The following NPLOC4 variants were observed in gnomAD, a reference collection of about 807,000 sequenced individuals.
NPLOC4 encodes the protein NPL4 homolog, ubiquitin recognition factor.
Under a neutral mutation model 80.6 loss-of-function variants are expected in NPLOC4, and 18 were observed. That is an observed-to-expected ratio of 0.22 (90% CI 0.15 to 0.33). The LOEUF (loss-of-function observed/expected upper bound fraction) is 0.33. NPLOC4 is among the 10% of genes least tolerant of loss of function. The pLI is 1.00. For synonymous variants in NPLOC4, 313 were observed against 301.5 expected (o/e 1.04, Z -0.39); for missense variants, 540 against 786.1 (o/e 0.69, Z 3.74).
At chr17:81,592,427 C>T (rs778403867) in intron 11 of NPLOC4, among the ~76,000 whole-genome samples, 10 of 152,156 alleles carry the variant, frequency 6.6e-5, no homozygotes, top group Non-Finnish European at 1.2e-4. Flanking sequence ...CAAGTCTGAG[C>T]ACCAAGAGGG....
chr17:81,593,660 C>G (rs1384254074), intron 11 of NPLOC4, among the ~76,000 whole-genome samples: 2 of 152,010 alleles, frequency 1.3e-5, no homozygotes, highest in Non-Finnish European at 2.9e-5. Context: ...AGATATCAGC[C>G]TACATGTGGC....
Position 81,629,232 on chromosome 17 carries a change from G to A in NPLOC4, c.96+493C>T, listed in dbSNP as rs895788802. On this transcript the variant is annotated intron_variant, in intron 2 of 16. Transcript: ENST00000331134. ...TTTTGAGATGGAGTCTCACTCTGTTGCCCAGGTTGGAGTGCAGTGGCACCA... is the reference window on the plus strand; with the variant it reads ...TTTTGAGATGGAGTCTCACTCTGTTACCCAGGTTGGAGTGCAGTGGCACCA... Among the ~76,000 whole-genome samples the A allele has an allele frequency of 2.8e-4, 34 of 122,218 alleles. No individual in the cohort carries two copies. The Admixed American group carries it at 3.2e-3, about 12-fold the overall frequency. The allele number at this position is 122,218 out of a possible 152,430, so 80.2% of individuals were successfully genotyped here.
rs959302488 is a variant in NPLOC4, at chr17:81,572,437, C to T, written c.1282-349G>A. Among the ~76,000 whole-genome samples the T allele has an allele frequency of 1.6e-4, 25 of 152,214 alleles. No homozygotes were observed. Among genetic ancestry groups the T allele is most frequent in the East Asian group, 7.7e-4 (4 of 5,176 alleles). ...CGATCTCCTGACCTCGTGATCCACCCGCCTCAGCCCCCCAAAGTGCTGGGA... is the reference window on the plus strand; with the variant it reads ...CGATCTCCTGACCTCGTGATCCACCTGCCTCAGCCCCCCAAAGTGCTGGGA... On this transcript the variant is annotated intron_variant, in intron 12 of 16. Transcript: ENST00000331134. This position sits in a 1 kb window ranked among gnomAD's most constrained non-coding sequence, Gnocchi z 4.5.
chr17:81,602,966 T>C lies in NPLOC4; in HGVS notation c.834+1582A>G, dbSNP rs527923024. Among the ~76,000 whole-genome samples the C allele has an allele frequency of 5.4e-5, 7 of 128,680 alleles. No individual in the cohort carries two copies. The South Asian group carries it at 1.7e-3, about 32-fold the overall frequency. 84.4% of individuals were successfully genotyped at this position (128,680 alleles called of 152,430 possible). A position where few individuals can be genotyped will look rare whatever the true frequency, so the allele number is the denominator to read the frequency against. ...ATACACACACATATATATACACACA[T>C]ATATATACACAAATACACACACACA... On this transcript the variant is annotated intron_variant, in intron 8 of 16. Transcript: ENST00000331134.
At chr17:81,565,693 T>C (rs2144029942) in intron 15 of NPLOC4, 86 bp from the exon 16 acceptor site, 2 of 971,140 alleles carry the variant, frequency 2.1e-6, no homozygotes, top group South Asian at 3.3e-5. Context: ...CTCCCCAACA[T>C]CAAGACGTAT....
chr17:81,609,431 T>C (rs1270252730), intron 5 of NPLOC4, among the ~76,000 whole-genome samples: 1 of 152,140 alleles, frequency 6.6e-6, no homozygotes, highest in East Asian at 1.9e-4. Context: ...CTCAGCTTCC[T>C]GAGTAGCTGG....
Position 81,577,629 on chromosome 17 carries a change from G to C in NPLOC4, c.1282-5541C>G, listed in dbSNP as rs2034336452. The stretch of plus-strand genomic sequence containing the variant: ...CTATTGGCCTGTATCTCTTGCCTGA[G>C]CTTCCAGACCTGAGTCCTGGCAACC... On this transcript the variant is annotated intron_variant, in intron 12 of 16. Coordinates refer to ENST00000331134, the MANE Select transcript of NPLOC4 (RefSeq NM_017921.4). The surrounding 1 kb of genome is among the most constrained non-coding windows in gnomAD (Gnocchi z 4.3). Among the ~76,000 whole-genome samples, 1 of 152,140 alleles carries C rather than the reference G, an allele frequency of 6.6e-6. No homozygotes were observed. Among genetic ancestry groups the C allele is most frequent in the African/African-American group, 2.4e-5 (1 of 41,422 alleles).
chr17:81,631,421 C>CATATATAT (rs1415379403), intron 1 of NPLOC4, among the ~76,000 whole-genome samples: 53 of 49,426 alleles, frequency 1.1e-3, no homozygotes, highest in African/African-American at 5.6e-3. Flanking sequence ...TTAAAGTGTA[C>CATATATAT]ATATATATAT....
At chr17:81,561,226 G>T (rs1010243076) in intron 16 of NPLOC4, among the ~76,000 whole-genome samples, 4 of 152,084 alleles carry the variant, frequency 2.6e-5, no homozygotes, top group Non-Finnish European at 5.9e-5. Context: ...CAAAGTGCTG[G>T]GATTACAGGC....
chr17:81,600,533 CT>C, intron 8 of NPLOC4, 106 bp from the exon 9 acceptor site: 1 of 781,758 alleles, frequency 1.3e-6, no homozygotes, highest in Non-Finnish European at 2.2e-6. Context: ...TGCTGGGGGC[CT>C]CCTTGTCAGA....
At position 81,624,371 on chromosome 17, in the gene NPLOC4, T is replaced by C. The variant is rs554165658; in HGVS notation, c.97-2093A>G. ...AGGCAGAGGTTGCAGTGAGCCAAGATGGCGCCATTGCACTCCAGCCTGGGC... is the reference window on the plus strand; with the variant it reads ...AGGCAGAGGTTGCAGTGAGCCAAGACGGCGCCATTGCACTCCAGCCTGGGC... On this transcript the variant is annotated intron_variant, in intron 2 of 16. Coordinates refer to ENST00000331134, the MANE Select transcript of NPLOC4 (RefSeq NM_017921.4). Among the ~76,000 whole-genome samples the C allele has an allele frequency of 2.0e-5, 3 of 152,256 alleles. No individual in the cohort carries two copies. In the East Asian group the frequency reaches 5.8e-4, roughly 29 times the overall value.
At chr17:81,636,004 G>A (rs1295431234) in intron 1 of NPLOC4, among the ~76,000 whole-genome samples, 5 of 148,612 alleles carry the variant, frequency 3.4e-5, no homozygotes, top group East Asian at 2.0e-4. Context: ...ACGCAGTCTC[G>A]CTCTATAGCC....
At chr17:81,585,670 G>T (rs113915083) in intron 12 of NPLOC4, among the ~76,000 whole-genome samples, 1 of 142,458 alleles carries the variant, frequency 7.0e-6, no homozygotes, top group Non-Finnish European at 1.5e-5. Flanking sequence ...CTGGGGGGGG[G>T]GGGAAAGAAA....
Position 81,585,669 on chromosome 17 carries a change from G to GC in NPLOC4, c.1281+3274_1281+3275insG, listed in dbSNP as rs1206803598. Among the ~76,000 whole-genome samples, 10 of 144,976 alleles carry GC rather than the reference G, an allele frequency of 6.9e-5. 1 individual carries two copies. The highest frequency in any genetic ancestry group is 2.8e-4 in the Admixed American group (4 of 14,100). ...GAGGAAGACTCCATTTCTGGGGGGG[G>GC]GGGGAAAGAAAGAAATCAGAGGCTG... On this transcript the variant is annotated intron_variant, in intron 12 of 16. Transcript: ENST00000331134.
At chr17:81,618,722 G>A (rs990237678) in intron 3 of NPLOC4, among the ~76,000 whole-genome samples, 1 of 151,780 alleles carries the variant, frequency 6.6e-6, no homozygotes, top group Non-Finnish European at 1.5e-5. Flanking sequence ...AGCTCATTGA[G>A]AACGGGCCAT....
At position 81,569,051 on chromosome 17, in the gene NPLOC4, G is replaced by C; in HGVS notation, c.1414C>G (p.Pro472Ala). The stretch of plus-strand genomic sequence containing the variant: ...CCCAATACATCCCGGTTTTCAATAG[G>C]AAATGGATTTTGCGAAATAGAAAAA... ...YTFSISQNPFPIENRDVLGET... is the reference protein window; with the variant it reads ...YTFSISQNPFAIENRDVLGET... The change falls in exon 14 of 17, where the codon CCT becomes GCT. Residue 472 changes from proline to alanine, a missense_variant. Around this residue, in one of 6 missense-constraint regions of NPLOC4, gnomAD observed 251 missense variants for 377.5 expected, o/e 0.66. Transcript: ENST00000331134. The C allele has an allele frequency of 2.5e-6, 4 of 1,613,012 alleles. No homozygotes were observed. The highest frequency in any genetic ancestry group is 3.4e-6 in the Non-Finnish European group (4 of 1,178,990).
intron 11 of NPLOC4, among the ~76,000 whole-genome samples, chr17:81,591,697 G>A (rs1598642332): frequency 6.6e-6 from 1 of 152,226 alleles, no homozygotes; most frequent in African/African-American, 2.4e-5. Context: ...TGTCCTGATG[G>A]GTTTGTGTAA....
At chr17:81,610,405 T>G in intron 4 of NPLOC4, 147 bp from the exon 5 acceptor site, 1 of 692,816 alleles carries the variant, frequency 1.4e-6, no homozygotes, top group Non-Finnish European at 2.5e-6. Context: ...TAAACATTTA[T>G]ATTTTAATTG....
Position 81,580,222 on chromosome 17 carries a change from G to A in NPLOC4, c.1282-8134C>T, listed in dbSNP as rs960351171. ...ACCATGTGCCTCTCCCAAGCAATGC[G>A]CTCACCCCGGGTGGTGCCTCTGCAC... On this transcript the variant is annotated intron_variant, in intron 12 of 16. Coordinates refer to ENST00000331134, the MANE Select transcript of NPLOC4 (RefSeq NM_017921.4). This position sits in a 1 kb window ranked among gnomAD's most constrained non-coding sequence, Gnocchi z 4.4. Among the ~76,000 whole-genome samples, 6 of 152,082 alleles carry A rather than the reference G, an allele frequency of 3.9e-5. No homozygotes were observed. Among genetic ancestry groups the A allele is most frequent in the Admixed American group, 6.5e-5 (1 of 15,268 alleles).
Sources: gnomAD v4.1 joint callset for allele counts (sites outside exome capture counted in the v4.1 genomes callset) on GRCh38, gnomAD v4.1.1 for gene constraint, gnomAD v4.1.1 regional missense constraint, Gnocchi (gnomAD v3.1) non-coding constraint, MANE v1.5 for transcripts, NCBI Gene and HGNC (gene_info 2026-07-23, HGNC 2026-07-21) for gene names.